The following NEK5 variants were observed in gnomAD, a reference collection of about 807,000 sequenced individuals.
NEK5 encodes NIMA related kinase 5.
Under a neutral mutation model 109.2 loss-of-function variants are expected in NEK5, and 88 were observed. The observed-to-expected ratio is 0.81, with a 90% CI of 0.68 to 0.96. The LOEUF (loss-of-function observed/expected upper bound fraction) is 0.96. Ranked by LOEUF, NEK5 falls within the 40% of genes least tolerant of loss-of-function variation. The probability of loss-of-function intolerance (pLI) is 0.00; values close to 1 mark genes in which losing one functional copy is unlikely to be tolerated. For synonymous variants in NEK5, 283 were observed against 299.9 expected, an observed-to-expected ratio of 0.94 and a Z score of 0.58; for missense variants, 834 against 920.7, an observed-to-expected ratio of 0.91 and a Z score of 1.22.
At chr13:52,083,889 T>C (rs913813786) in intron 16 of NEK5, among the ~76,000 whole-genome samples, 1 of 152,200 alleles carries the variant, frequency 6.6e-6, no homozygotes, top group Middle Eastern at 3.4e-3. Context: ...AGATCAGCCT[T>C]AGACATAAGG....
intron 13 of NEK5, among the ~76,000 whole-genome samples, chr13:52,090,636 T>C (rs1955260260): frequency 6.6e-6 from 1 of 152,184 alleles, no homozygotes; most frequent in Non-Finnish European, 1.5e-5. Context: ...AATATCTTCA[T>C]GAGAAAAATG....
chr13:52,061,112 C>T (rs142890761), intron 22 of NEK5, among the ~76,000 whole-genome samples: 162 of 152,300 alleles, frequency 1.1e-3, no homozygotes, highest in African/African-American at 3.6e-3. Flanking sequence ...TCATGGAAGA[C>T]AATTTTTCCA....
At position 52,050,729 on chromosome 13, in the gene NEK5, T is replaced by C. The variant is rs191082061; in HGVS notation, c.2111-508A>G. ...TTTCATTTGTTTTTTTCTTTTTTTT[T>C]TTTTTTTTGAGACAGAGTCTGGCTT... On this transcript the variant is annotated intron_variant, in intron 22 of 23. Transcript: ENST00000684899. Among the ~76,000 whole-genome samples, 50 of 150,242 alleles carry C rather than the reference T, an allele frequency of 3.3e-4. No individual in the cohort carries two copies. The East Asian group carries it at 9.3e-3, about 28-fold the overall frequency.
intron 12 of NEK5, among the ~76,000 whole-genome samples, chr13:52,097,886 A>AG (rs1401271268): frequency 6.6e-6 from 1 of 152,062 alleles, no homozygotes; most frequent in African/African-American, 2.4e-5. Context: ...ATGTTGGAGG[A>AG]GGGGCCTGGT....
At chr13:52,080,660 A>C (rs1954988327) in intron 17 of NEK5, among the ~76,000 whole-genome samples, 3 of 152,078 alleles carry the variant, frequency 2.0e-5, no homozygotes, top group Admixed American at 1.3e-4. Flanking sequence ...GGGCGGTGCA[A>C]GATGTGCTTT....
At chr13:52,053,493 A>G (rs1272612866) in intron 22 of NEK5, among the ~76,000 whole-genome samples, 1 of 152,082 alleles carries the variant, frequency 6.6e-6, no homozygotes, top group Non-Finnish European at 1.5e-5. Flanking sequence ...TAGTAATGAA[A>G]TAAAAATCTT....
intron 17 of NEK5, chr13:52,082,263 C>G (rs1955028264): frequency 1.9e-6 from 1 of 523,720 alleles, no homozygotes; most frequent in African/African-American, 2.1e-5. Flanking sequence ...TGCGGTGAGC[C>G]AAGATCGTGC....
intron 12 of NEK5, among the ~76,000 whole-genome samples, chr13:52,096,301 C>T (rs770561389): frequency 7.9e-5 from 12 of 151,924 alleles, no homozygotes; most frequent in South Asian, 2.1e-4. Flanking sequence ...GGGTAATGGG[C>T]GGAGGTTGGA....
At chr13:52,089,448 T>C in intron 13 of NEK5, 135 bp from the exon 14 acceptor site, 1 of 604,370 alleles carries the variant, frequency 1.7e-6, no homozygotes, top group Admixed American at 3.3e-5. Context: ...AAGAAGTAGT[T>C]CACAGTTACA....
chr13:52,046,418 A>G (rs1954459631), intron 23 of NEK5, among the ~76,000 whole-genome samples: 1 of 151,078 alleles, frequency 6.6e-6, no homozygotes, highest in South Asian at 2.1e-4. Flanking sequence ...ATTCAAGGTT[A>G]CAGTAAGCCA....
At chr13:52,115,557 T>A (rs188834008) in intron 4 of NEK5, among the ~76,000 whole-genome samples, 2,494 of 139,346 alleles carry the variant, frequency 0.018, 29 homozygotes, top group Non-Finnish European at 0.028. Context: ...TGAGCCAAGA[T>A]TGTGCCACTG....
intron 4 of NEK5, among the ~76,000 whole-genome samples, chr13:52,117,815 A>C (rs1955890807): frequency 6.6e-6 from 1 of 152,266 alleles, no homozygotes; most frequent in Admixed American, 6.5e-5. Context: ...AGGGAGCTGT[A>C]ATTTGAATTG....
intron 16 of NEK5, among the ~76,000 whole-genome samples, chr13:52,085,492 G>T (rs975869368): frequency 4.6e-5 from 7 of 152,108 alleles, no homozygotes; most frequent in Non-Finnish European, 1.0e-4. Context: ...TATGCACTGC[G>T]GTGGGAGAAA....
intron 17 of NEK5, among the ~76,000 whole-genome samples, chr13:52,077,249 G>A (rs959046530): frequency 6.6e-6 from 1 of 152,184 alleles, no homozygotes; most frequent in Non-Finnish European, 1.5e-5. Flanking sequence ...CACTGAAAAC[G>A]TATGCTTTCA....
intron 3 of NEK5, among the ~76,000 whole-genome samples, chr13:52,121,251 T>C (rs959797208): frequency 1.3e-5 from 2 of 151,358 alleles, no homozygotes; most frequent in African/African-American, 4.9e-5. Flanking sequence ...CTCTGCCCAC[T>C]GAGCTCAAGT....
intron 21 of NEK5, chr13:52,065,169 A>G (rs908341915): frequency 3.9e-5 from 17 of 438,248 alleles, no homozygotes; most frequent in Admixed American, 7.3e-5. Context: ...TCGCAAAAAA[A>G]GTTGTTGAGC....
chr13:52,073,245 T>C (rs1258698928), intron 19 of NEK5, among the ~76,000 whole-genome samples: 2 of 151,504 alleles, frequency 1.3e-5, no homozygotes, highest in Non-Finnish European at 2.9e-5. Flanking sequence ...TCTAAAGAAA[T>C]AACACCAATA....
At chr13:52,066,313 A>G (rs1386493195) in intron 20 of NEK5, among the ~76,000 whole-genome samples, 1 of 152,246 alleles carries the variant, frequency 6.6e-6, no homozygotes, top group East Asian at 1.9e-4. Context: ...ATACCATTAT[A>G]TAATGACCTC....
rs756200901 is a variant in NEK5, at chr13:52,127,437, C to G, written c.46G>C (p.Gly16Arg). ...TTCCCTTTAGCTAAGTATGCTTTCC[C>G]GAAGGCACCTTGCCCGATGGCCTTA... ...VIKAIGQGAF[G>R]KAYLAKGKSD... Residue 16 changes from glycine to arginine, a missense_variant, in exon 3 of 24, where the codon GGG becomes CGG. Around this residue, in one of 2 missense-constraint regions of NEK5, gnomAD observed 777 missense variants for 824.7 expected, o/e 0.94. Transcript: ENST00000684899. The G allele has an allele frequency of 7.4e-6, 12 of 1,612,896 alleles. No individual in the cohort carries two copies. Among genetic ancestry groups the G allele is most frequent in the East Asian group, 2.2e-5 (1 of 44,884 alleles).
Sources: allele counts gnomAD v4.1 joint callset (sites outside exome capture counted in the v4.1 genomes callset), GRCh38; gene constraint gnomAD v4.1.1; regional missense constraint gnomAD v4.1.1; transcripts MANE v1.5; gene names NCBI Gene and HGNC (gene_info 2026-07-23, HGNC 2026-07-21).